The following KIAA1549L variants were observed in gnomAD, a reference collection of about 807,000 sequenced individuals.
The protein encoded by KIAA1549L is UPF0606 protein KIAA1549L.
In KIAA1549L, 88 loss-of-function variants were observed where a neutral mutation model predicts 160.7. That is an observed-to-expected ratio of 0.55 (90% CI 0.46 to 0.65). KIAA1549L has a LOEUF of 0.65. Among genes scored for constraint, KIAA1549L ranks in the 30% least tolerant of loss-of-function variants. The pLI is 0.00. For missense variants in KIAA1549L, 2,258 were observed against 2,437.5 expected (o/e 0.93, Z 1.55); for synonymous variants, 950 against 976.7 (o/e 0.97, Z 0.51).
chr11:33,622,955 T>A (rs563608160), intron 16 of KIAA1549L, among the ~76,000 whole-genome samples: 38 of 152,290 alleles, frequency 2.5e-4, no homozygotes, highest in Admixed American at 8.5e-4. Context: ...TGAGCAGTGG[T>A]TACTGGAAGG....
chr11:33,651,257 T>C (rs752002940), intron 17 of KIAA1549L, among the ~76,000 whole-genome samples: 30 of 152,088 alleles, frequency 2.0e-4, no homozygotes, highest in Non-Finnish European at 4.1e-4. Flanking sequence ...GCCAACATGG[T>C]GAGACCCCAT....
chr11:33,616,502 C>T (rs1435768828), intron 15 of KIAA1549L, among the ~76,000 whole-genome samples: 1 of 152,134 alleles, frequency 6.6e-6, no homozygotes, highest in African/African-American at 2.4e-5. Flanking sequence ...CAAGTGACAT[C>T]ATGATGCTCT....
intron 10 of KIAA1549L, among the ~76,000 whole-genome samples, chr11:33,576,859 G>T (rs149587218): frequency 6.6e-6 from 1 of 152,148 alleles, no homozygotes; most frequent in Admixed American, 6.5e-5. Context: ...TGGGAGTTTG[G>T]TTGTAGACGT....
chr11:33,525,641 G>A (rs746048574), intron 1 of KIAA1549L, among the ~76,000 whole-genome samples: 11 of 152,092 alleles, frequency 7.2e-5, no homozygotes, highest in Non-Finnish European at 1.5e-4. Flanking sequence ...AGAAGTCACA[G>A]CCAAAGCTGC....
Position 33,660,863 on chromosome 11 carries a change from G to C in KIAA1549L, c.6008G>C (p.Gly2003Ala), listed in dbSNP as rs1485254353. Residue 2003 changes from glycine (G) to alanine (A), a missense_variant and splice_region_variant, in exon 20 of 21, where the codon GGT (glycine) becomes GCT (alanine). This residue lies in a region of KIAA1549L where 1,359 missense variants were observed against 1,546.6 expected (regional missense o/e 0.88). Coordinates refer to ENST00000658780, the MANE Select transcript of KIAA1549L (RefSeq NM_012194.3). ...QLDQSALNYS[G>A]NTVPAVFAIP... ...CCCTCCTCCATTTCCTCCATGCCAG[G>C]TAATACGGTGCCAGCAGTGTTCGCC... 6.2e-6 allele frequency: 10 copies of C among 1,613,548 alleles called. No individual in the cohort carries two copies. The highest frequency in any genetic ancestry group is 2.2e-5 in the East Asian group (1 of 44,888).
intron 1 of KIAA1549L, among the ~76,000 whole-genome samples, chr11:33,458,317 A>C (rs900231355): frequency 6.6e-6 from 1 of 152,236 alleles, no homozygotes; most frequent in African/African-American, 2.4e-5. Context: ...AAATATTTAC[A>C]TTTATGGCAT....
At chr11:33,616,289 A>G (rs1297005604) in intron 15 of KIAA1549L, among the ~76,000 whole-genome samples, 3 of 152,130 alleles carry the variant, frequency 2.0e-5, no homozygotes, top group African/African-American at 7.2e-5. Context: ...AACTCCTGGC[A>G]TATATCCTAT....
chr11:33,498,802 T>C (rs1192755034), intron 1 of KIAA1549L, among the ~76,000 whole-genome samples: 1 of 152,178 alleles, frequency 6.6e-6, no homozygotes, highest in Non-Finnish European at 1.5e-5. Context: ...TGATCTACCA[T>C]AGTGAGGAAT....
At position 33,435,818 on chromosome 11, in the gene KIAA1549L, G is replaced by GTGTGTGTATATATA. The variant is rs1554976830; in HGVS notation, c.238+58930_238+58931insGTGTGTATATATAT. On this transcript the variant is annotated intron_variant, in intron 1 of 20. Coordinates refer to ENST00000658780, the MANE Select transcript of KIAA1549L (RefSeq NM_012194.3). ...TATATATATATATATATATGTGTGT[G>GTGTGTGTATATATA]TATATATATATATGTATATGTATAT... Among the ~76,000 whole-genome samples the GTGTGTGTATATATA allele has an allele frequency of 6.0e-4, 27 of 45,306 alleles. 1 individual carries two copies. Among genetic ancestry groups the GTGTGTGTATATATA allele is most frequent in the South Asian group, 1.8e-3 (2 of 1,082 alleles). 29.7% of individuals were successfully genotyped at this position (45,306 alleles called of 152,430 possible).
At chr11:33,457,237 A>T (rs1247000006) in intron 1 of KIAA1549L, among the ~76,000 whole-genome samples, 1 of 152,192 alleles carries the variant, frequency 6.6e-6, no homozygotes, top group Non-Finnish European at 1.5e-5. Flanking sequence ...TGGACTTCCC[A>T]GTGAATTCTT....
chr11:33,514,252 C>T (rs1853289902), intron 1 of KIAA1549L, among the ~76,000 whole-genome samples: 1 of 152,162 alleles, frequency 6.6e-6, no homozygotes, highest in Admixed American at 6.5e-5. Flanking sequence ...ATAAACTCAA[C>T]AAAACTAAGT....
chr11:33,485,672 A>G (rs1175978758), intron 1 of KIAA1549L, among the ~76,000 whole-genome samples: 1 of 152,128 alleles, frequency 6.6e-6, no homozygotes, highest in Non-Finnish European at 1.5e-5. Context: ...GCAATTTTCA[A>G]GTGTACAATA....
At chr11:33,645,660 T>A in intron 16 of KIAA1549L, 26 bp from the exon 17 acceptor site, 2 of 1,544,984 alleles carry the variant, frequency 1.3e-6, no homozygotes, top group Non-Finnish European at 1.8e-6. Flanking sequence ...AGTAAACACA[T>A]CAATGGGCTT....
intron 20 of KIAA1549L, among the ~76,000 whole-genome samples, chr11:33,666,287 T>C (rs1205205107): frequency 1.3e-5 from 2 of 152,176 alleles, no homozygotes; most frequent in Non-Finnish European, 2.9e-5. Flanking sequence ...ACTGGCTCTA[T>C]GGAGTGTGCA....
intron 1 of KIAA1549L, among the ~76,000 whole-genome samples, chr11:33,489,307 A>G (rs1174187430): frequency 2.0e-5 from 3 of 152,208 alleles, no homozygotes; most frequent in Non-Finnish European, 4.4e-5. Flanking sequence ...GCATGTGTGC[A>G]TGCAGAGAGA....
chr11:33,425,486 G>A (rs1279190264), intron 1 of KIAA1549L, among the ~76,000 whole-genome samples: 3 of 152,174 alleles, frequency 2.0e-5, no homozygotes, highest in Non-Finnish European at 1.5e-5. Flanking sequence ...GAAGCCCTGG[G>A]CTCATAAGAG....
intron 1 of KIAA1549L, among the ~76,000 whole-genome samples, chr11:33,414,201 A>G (rs886612737): frequency 6.6e-6 from 1 of 152,238 alleles, no homozygotes; most frequent in African/African-American, 2.4e-5. Flanking sequence ...ATCATTATAA[A>G]TCAGTCCTGC....
chr11:33,648,907 A>G (rs59665935), intron 17 of KIAA1549L, among the ~76,000 whole-genome samples: 10,579 of 152,268 alleles, frequency 0.069, 1,246 homozygotes, highest in African/African-American at 0.24. Flanking sequence ...AACAGTTGGC[A>G]TCTGTTGAGC....
intron 1 of KIAA1549L, among the ~76,000 whole-genome samples, chr11:33,510,310 C>T (rs553076254): frequency 4.5e-4 from 69 of 152,206 alleles, no homozygotes; most frequent in African/African-American, 1.5e-3. Flanking sequence ...CTCAGCCCCC[C>T]GAGTAGCTGG....
Sources: gnomAD v4.1 joint callset for allele counts (sites outside exome capture counted in the v4.1 genomes callset) on GRCh38, gnomAD v4.1.1 for gene constraint, gnomAD v4.1.1 regional missense constraint, MANE v1.5 for transcripts, NCBI Gene and HGNC (gene_info 2026-07-23, HGNC 2026-07-21) for gene names.